The following LINGO2 variants were observed in gnomAD, a reference collection of about 807,000 sequenced individuals.
LINGO2 encodes leucine-rich repeat and immunoglobulin-like domain-containing nogo receptor-interacting protein 2.
LINGO2 carries 14 observed loss-of-function variants against 30.6 expected under a neutral mutation model. That is an observed-to-expected ratio of 0.46 (90% confidence interval 0.30 to 0.72). The LOEUF (loss-of-function observed/expected upper bound fraction) is 0.72, where lower values mean the gene tolerates loss of function less well. Ranked by LOEUF, LINGO2 falls within the 30% of genes least tolerant of loss-of-function variation. The pLI is 0.07. For synonymous variants in LINGO2, 317 were observed against 288.5 expected, an observed-to-expected ratio of 1.10 and a Z score of -1.00; for missense variants, 729 against 751.7, an observed-to-expected ratio of 0.97 and a Z score of 0.35.
chr9:28,842,395 G>A, the LINGO2 span, among the ~76,000 whole-genome samples: 5 of 151,852 alleles, frequency 3.3e-5, no homozygotes, highest in African/African-American at 9.7e-5. Context: ...GTGCAACAAG[G>A]TTTCTTCATT....
intron 1 of LINGO2, among the ~76,000 whole-genome samples, chr9:28,554,980 G>C (rs1232898194): frequency 7.6e-6 from 1 of 131,006 alleles, no homozygotes; most frequent in Non-Finnish European, 1.6e-5. Flanking sequence ...CAGAATCTCT[G>C]GGACGCATTC....
the LINGO2 span, among the ~76,000 whole-genome samples, chr9:28,797,549 C>T: frequency 2.0e-5 from 3 of 151,420 alleles, no homozygotes; most frequent in African/African-American, 7.3e-5. Context: ...TAACAATGAC[C>T]CAAGATTTTG....
chr9:28,239,785 G>C (rs1206734367), intron 4 of LINGO2, among the ~76,000 whole-genome samples: 1 of 152,050 alleles, frequency 6.6e-6, no homozygotes, highest in Non-Finnish European at 1.5e-5. Flanking sequence ...CTTAGCTAGA[G>C]CAATTAGACA....
At chr9:28,785,737 T>G in the LINGO2 span, among the ~76,000 whole-genome samples, 1 of 150,834 alleles carries the variant, frequency 6.6e-6, no homozygotes, top group Admixed American at 6.6e-5. Flanking sequence ...AATTTAATAT[T>G]TTCCTGGAAG....
At chr9:28,187,325 T>C (rs1310727231) in intron 4 of LINGO2, among the ~76,000 whole-genome samples, 1 of 151,912 alleles carries the variant, frequency 6.6e-6, no homozygotes, top group Non-Finnish European at 1.5e-5. Context: ...ACCCCATCTC[T>C]GTTAAAATAC....
At chr9:29,201,834 A>T in the LINGO2 span, among the ~76,000 whole-genome samples, 3 of 152,038 alleles carry the variant, frequency 2.0e-5, no homozygotes, top group East Asian at 5.8e-4. Flanking sequence ...TGCAGGCCAG[A>T]AAAGTGTTTT....
At chr9:28,462,385 C>A in intron 2 of LINGO2, among the ~76,000 whole-genome samples, 1 of 131,872 alleles carries the variant, frequency 7.6e-6, no homozygotes. Flanking sequence ...AAGGGTCACA[C>A]ACTAGAATAA....
intron 3 of LINGO2, among the ~76,000 whole-genome samples, chr9:28,313,933 T>C (rs766783918): frequency 2.0e-5 from 3 of 151,668 alleles, no homozygotes; most frequent in Non-Finnish European, 3.0e-5. Flanking sequence ...CCAGTGAGAA[T>C]TGATTTTTTT....
intron 4 of LINGO2, among the ~76,000 whole-genome samples, chr9:28,039,306 A>G (rs1407367282): frequency 6.6e-6 from 1 of 152,230 alleles, no homozygotes; most frequent in Non-Finnish European, 1.5e-5. Context: ...TGACTACGCA[A>G]TTTTAAAAAG....
intron 4 of LINGO2, among the ~76,000 whole-genome samples, chr9:28,218,124 T>A: frequency 6.7e-6 from 1 of 148,564 alleles, no homozygotes; most frequent in Non-Finnish European, 1.5e-5. Flanking sequence ...TATATTATAT[T>A]ATAAATATAT....
the LINGO2 span, among the ~76,000 whole-genome samples, chr9:28,799,950 A>G: frequency 3.9e-5 from 6 of 152,124 alleles, no homozygotes; most frequent in African/African-American, 1.2e-4. Flanking sequence ...ATTACAAAAA[A>G]TAATCATTTA....
chr9:28,562,309 T>A (rs1823132163), intron 1 of LINGO2, among the ~76,000 whole-genome samples: 1 of 151,886 alleles, frequency 6.6e-6, no homozygotes, highest in Non-Finnish European at 1.5e-5. Flanking sequence ...ATTGGTGAAT[T>A]ATTCTCAGTG....
intron 4 of LINGO2, among the ~76,000 whole-genome samples, chr9:28,045,818 G>A (rs981194235): frequency 7.2e-5 from 11 of 152,178 alleles, no homozygotes; most frequent in African/African-American, 2.2e-4. Context: ...ATGGGTAAGC[G>A]GCAAGGGAAT....
intron 5 of LINGO2, among the ~76,000 whole-genome samples, chr9:27,956,605 C>G (rs1200775013): frequency 6.6e-6 from 1 of 151,746 alleles, no homozygotes; most frequent in Admixed American, 6.6e-5. Context: ...ATTTAAGAGC[C>G]CCTAGAGCCT....
At chr9:28,512,622 TATATATATATATATACACAC>T (rs1820449252) in intron 1 of LINGO2, among the ~76,000 whole-genome samples, 2 of 10,006 alleles carry the variant, frequency 2.0e-4, no homozygotes, top group African/African-American at 4.1e-4. Context: ...TATATATATA[TATATATATATATATACACAC>T]ATACATACAC....
intron 1 of LINGO2, among the ~76,000 whole-genome samples, chr9:28,590,284 T>C (rs961321572): frequency 8.6e-5 from 13 of 151,676 alleles, no homozygotes; most frequent in Non-Finnish European, 8.8e-5. Context: ...GCAATGGCAA[T>C]AAAAGCCAAA....
At chr9:28,409,289 T>C (rs1822650585) in intron 2 of LINGO2, among the ~76,000 whole-genome samples, 1 of 152,124 alleles carries the variant, frequency 6.6e-6, no homozygotes, top group Admixed American at 6.6e-5. Context: ...AGCCATCTCA[T>C]CTTTCAGAAA....
chr9:28,105,229 T>C (rs1370251345), intron 4 of LINGO2, among the ~76,000 whole-genome samples: 1 of 152,184 alleles, frequency 6.6e-6, no homozygotes, highest in Non-Finnish European at 1.5e-5. Context: ...TTTCTTGTAC[T>C]GATGAGAAGT....
chr9:29,086,579 A>G, the LINGO2 span, among the ~76,000 whole-genome samples: 1 of 152,182 alleles, frequency 6.6e-6, no homozygotes, highest in Admixed American at 6.6e-5. Flanking sequence ...AAAGTCTATG[A>G]TTATTTAATG....
Sources: allele counts gnomAD v4.1 joint callset (sites outside exome capture counted in the v4.1 genomes callset), GRCh38; gene constraint gnomAD v4.1.1; transcripts MANE v1.5; gene names NCBI Gene and HGNC (gene_info 2026-07-23, HGNC 2026-07-21).